Variants in AAR2 observed in about 807,000 individuals in gnomAD.
AAR2 encodes protein AAR2 homolog.
In AAR2, 31 loss-of-function variants were observed where a neutral mutation model predicts 26.9. That is an observed-to-expected ratio of 1.15 (90% CI 0.86 to 1.55). AAR2 has a LOEUF of 1.55. AAR2 is among the 40% of genes most tolerant of loss of function. AAR2 has a pLI of 0.00. For missense variants in AAR2, 430 were observed against 491.3 expected (o/e 0.88, Z 1.18); for synonymous variants, 188 against 196.1 (o/e 0.96, Z 0.34).
chr20:36,248,519 G>T (rs548494689), intron 3 of AAR2, among the ~76,000 whole-genome samples: 8 of 152,084 alleles, frequency 5.3e-5, no homozygotes, highest in South Asian at 4.2e-4. Context: ...TGTATTTTTA[G>T]TAGAGATGAG....
rs1440662687 is a variant in AAR2, at chr20:36,252,545, A to G, written c.988-3033A>G. Among the ~76,000 whole-genome samples, 3 of 152,138 alleles carry G rather than the reference A, an allele frequency of 2.0e-5. No homozygotes were observed. The South Asian group carries it at 6.2e-4, about 32-fold the overall frequency. On this transcript the variant is annotated intron_variant, in intron 3 of 3. Transcript: ENST00000320849. ...GAGATCCTCAAGGAGGTGATGTTTG[A>G]GCTGAGCCTGAGTCTTTAGGAGAAA...
At chr20:36,239,175 G>T (rs1176744489) in intron 1 of AAR2, among the ~76,000 whole-genome samples, 2 of 152,134 alleles carry the variant, frequency 1.3e-5, no homozygotes. Context: ...GGGCTCTTTG[G>T]GAAGTTGTTT....
intron 3 of AAR2, among the ~76,000 whole-genome samples, chr20:36,253,625 A>G (rs1316023897): frequency 6.6e-6 from 1 of 152,170 alleles, no homozygotes; most frequent in East Asian, 1.9e-4. Flanking sequence ...GGGGTTTCAG[A>G]TGTGGAAAAA....
At position 36,240,132 on chromosome 20, in the gene AAR2, G is replaced by C. The variant is rs764187400; in HGVS notation, c.264G>C (p.Val88=). 3.7e-6 allele frequency: 6 copies of C among 1,614,088 alleles called. No individual in the cohort carries two copies. Among genetic ancestry groups the C allele is most frequent in the Non-Finnish European group, 5.1e-6 (6 of 1,180,048 alleles). Residue 88 remains valine, a synonymous_variant, in exon 2 of 4, where the codon GTG becomes GTC. Coordinates refer to ENST00000320849, the MANE Select transcript of AAR2 (RefSeq NM_001271874.2). The part of the protein sequence containing the change: ...FLSLHQRGLT[V]LRWSTLREEV... ...GCCTGCACCAGCGGGGGCTGACAGT[G>C]CTGCGCTGGAGCACACTCAGGGAAG...
intron 3 of AAR2, among the ~76,000 whole-genome samples, chr20:36,247,587 C>G (rs1472594754): frequency 6.6e-6 from 1 of 152,110 alleles, no homozygotes; most frequent in Non-Finnish European, 1.5e-5. Context: ...TAAAAAACAG[C>G]TGGTCCATGG....
intron 2 of AAR2, among the ~76,000 whole-genome samples, chr20:36,244,200 T>A (rs909103292): frequency 1.3e-5 from 2 of 152,156 alleles, no homozygotes; most frequent in Non-Finnish European, 2.9e-5. Context: ...GTGCAGTATT[T>A]CCTGACCCTG....
Position 36,240,219 on chromosome 20 carries a change from G to GC in AAR2, c.352dup (p.Leu118ProfsTer67), listed in dbSNP as rs779689445. On this transcript the variant is annotated frameshift_variant, in exon 2 of 4. Coordinates refer to ENST00000320849, the MANE Select transcript of AAR2 (RefSeq NM_001271874.2). LOFTEE classifies it high-confidence loss of function. ...AGGCCATGAGGGCCAACCTCCAGGA[G>GC]CTGGACCAGTTCCTGGGGCCTTACC... 1.2e-3 allele frequency: 1,963 copies of GC among 1,614,242 alleles called. 1 individual carries two copies. Among genetic ancestry groups the GC allele is most frequent in the Non-Finnish European group, 1.6e-3 (1,843 of 1,180,040 alleles).
chr20:36,251,342 C>T (rs779095114), intron 3 of AAR2, among the ~76,000 whole-genome samples: 1 of 152,086 alleles, frequency 6.6e-6, no homozygotes, highest in Non-Finnish European at 1.5e-5. Flanking sequence ...GCATGGGCAA[C>T]AGTGAGATCC....
At chr20:36,251,873 G>A (rs2064783007) in intron 3 of AAR2, among the ~76,000 whole-genome samples, 1 of 152,248 alleles carries the variant, frequency 6.6e-6, no homozygotes, top group South Asian at 2.1e-4. Context: ...CGTGAGCCCA[G>A]TTTGTTCCAG....
At chr20:36,254,232 T>C (rs539884063) in intron 3 of AAR2, among the ~76,000 whole-genome samples, 1 of 152,254 alleles carries the variant, frequency 6.6e-6, no homozygotes, top group Non-Finnish European at 1.5e-5. Flanking sequence ...AAATGTGGTA[T>C]CTGCATACAA....
In AAR2 at chr20:36,240,046, T is replaced by C. The variant is rs756235658; in HGVS notation, c.178T>C (p.Tyr60His). The change falls in exon 2 of 4, where the codon TAC becomes CAC. Residue 60 changes from tyrosine (Y) to histidine (H), a missense_variant. By Grantham distance (83) the Tyr-to-His change is moderately conservative (BLOSUM62 2). Coordinates refer to ENST00000320849, the MANE Select transcript of AAR2 (RefSeq NM_001271874.2). ...CCCTCCAGGCATCCACTTCCTCCAC[T>C]ACAGCTCTGTGGACAAGGCTAATCC... ...MIPPGIHFLH[Y>H]SSVDKANPKE... 3.7e-6 allele frequency: 6 copies of C among 1,614,220 alleles called. No homozygotes were observed. The East Asian group carries it at 1.1e-4, about 30-fold the overall frequency.
chr20:36,250,836 A>G (rs553076798), intron 3 of AAR2, among the ~76,000 whole-genome samples: 83 of 152,302 alleles, frequency 5.4e-4, no homozygotes, highest in African/African-American at 1.8e-3. Context: ...TTAACTAAGC[A>G]TTTAAAATTG....
Position 36,239,804 on chromosome 20 carries a change from GTTTC to G in AAR2, c.-48-7_-48-4del, listed in dbSNP as rs1178863776. On this transcript the variant is annotated splice_polypyrimidine_tract_variant and intron_variant, in intron 1 of 3. Transcript: ENST00000320849. The stretch of plus-strand genomic sequence containing the variant: ...TTCCCCCACGTTCTGATTAACTCTG[GTTTC>G]TTTCTTTCTCAGCTGTTCATCAAAG... 1.5e-5 allele frequency: 23 copies of G among 1,505,482 alleles called. No homozygotes were observed. Among genetic ancestry groups the G allele is most frequent in the Non-Finnish European group, 2.0e-5 (22 of 1,125,130 alleles). The allele number at this position is 1,505,482 out of a possible 1,614,324, so 93.3% of individuals were successfully genotyped here.
chr20:36,254,932 AGT>A (rs374095447), intron 3 of AAR2, among the ~76,000 whole-genome samples: 3 of 152,348 alleles, frequency 2.0e-5, no homozygotes, highest in African/African-American at 7.2e-5. Context: ...TTTATAAGGA[AGT>A]GTTGAATATC....
intron 3 of AAR2, among the ~76,000 whole-genome samples, chr20:36,247,721 T>C (rs964356507): frequency 3.3e-5 from 5 of 151,958 alleles, no homozygotes; most frequent in Non-Finnish European, 7.4e-5. Flanking sequence ...ATACAAAAAT[T>C]AGCCAGGCAT....
At chr20:36,239,595 C>A (rs558385415) in intron 1 of AAR2, among the ~76,000 whole-genome samples, 1 of 152,264 alleles carries the variant, frequency 6.6e-6, no homozygotes, top group Admixed American at 6.5e-5. Context: ...TCACTGGTAT[C>A]TTATAGCTGT....
chr20:36,237,135 G>A (rs1357013237), intron 1 of AAR2, among the ~76,000 whole-genome samples: 2 of 152,218 alleles, frequency 1.3e-5, no homozygotes, highest in African/African-American at 2.4e-5. Context: ...TTCTGAAAGA[G>A]GCCGTTGTGG....
At chr20:36,252,727 T>C (rs923796815) in intron 3 of AAR2, among the ~76,000 whole-genome samples, 1 of 152,134 alleles carries the variant, frequency 6.6e-6, no homozygotes, top group South Asian at 2.1e-4. Flanking sequence ...CCAATTCCCA[T>C]GTAAGGAAGG....
chr20:36,245,836 T>C (rs1417717650), intron 3 of AAR2, among the ~76,000 whole-genome samples: 1 of 152,098 alleles, frequency 6.6e-6, no homozygotes, highest in Non-Finnish European at 1.5e-5. Context: ...GCTTGGGCAA[T>C]ATAGTGAGAC....
Sources: gnomAD v4.1 joint callset for allele counts (sites outside exome capture counted in the v4.1 genomes callset) on GRCh38, gnomAD v4.1.1 for gene constraint, MANE v1.5 for transcripts, NCBI Gene and HGNC (gene_info 2026-07-23, HGNC 2026-07-21) for gene names.